MCM4: variants seen among roughly 807,000 people sequenced by gnomAD.
MCM4 encodes the protein DNA replication licensing factor MCM4.
MCM4 carries 60 observed loss-of-function variants against 88.7 expected under a neutral mutation model. The ratio of observed to expected loss-of-function variants is 0.68; its 90% CI spans 0.55 to 0.84. The LOEUF (loss-of-function observed/expected upper bound fraction) is 0.84, where lower values mean the gene tolerates loss of function less well. Ranked by LOEUF, MCM4 falls within the 40% of genes least tolerant of loss-of-function variation. The pLI, the probability that MCM4 is intolerant of heterozygous loss-of-function variation, is 0.00. For synonymous variants in MCM4, 465 were observed against 410.5 expected, an observed-to-expected ratio of 1.13 and a Z score of -1.61; for missense variants, 1,149 against 1,105.5, an observed-to-expected ratio of 1.04 and a Z score of -0.56.
rs1014270370 is a variant in MCM4, at chr8:47,966,055, C to T, written c.833-132C>T. Reference sequence around the variant, plus strand: ...CTTGAGAGTCTCCTGAAGACATAGCCTGCAGATGACTGGACACAGAAAGGT... The same window carrying T: ...CTTGAGAGTCTCCTGAAGACATAGCTTGCAGATGACTGGACACAGAAAGGT... On this transcript the variant is annotated intron_variant, in intron 8 of 16. Transcript: ENST00000649973. The T allele has an allele frequency of 7.3e-6, 5 of 683,820 alleles. No homozygotes were observed. In the African/African-American group the frequency reaches 8.8e-5, roughly 12 times the overall value. The allele number at this position is 683,820 out of a possible 1,614,324, so 42.4% of individuals were successfully genotyped here.
At chr8:47,976,056 G>A (rs1358791977) in intron 16 of MCM4, among the ~76,000 whole-genome samples, 3 of 152,076 alleles carry the variant, frequency 2.0e-5, no homozygotes, top group African/African-American at 4.8e-5. Context: ...CATTTGGGAC[G>A]CTGAGGTGGG....
chr8:47,961,239 T>G lies in MCM4; in HGVS notation c.70+25T>G, dbSNP rs1247905103. 2.1e-5 allele frequency: 31 copies of G among 1,482,442 alleles called. No homozygotes were observed. The East Asian group carries it at 8.1e-4, about 39-fold the overall frequency. 91.8% of individuals were successfully genotyped at this position (1,482,442 alleles called of 1,614,324 possible). A position where few individuals can be genotyped will look rare whatever the true frequency, so the allele number is the denominator to read the frequency against. The stretch of plus-strand genomic sequence containing the variant: ...CGTGAGTCCCCCGAGCCGGGCCCAC[T>G]ACAGCCCCCGGCGCCGCCCCGTCTG... On this transcript the variant is annotated intron_variant, in intron 2 of 16. Coordinates refer to ENST00000649973, the MANE Select transcript of MCM4 (RefSeq NM_182746.3).
Position 47,967,395 on chromosome 8 carries a change from C to T in MCM4, c.1084C>T (p.Pro362Ser), listed in dbSNP as rs375477637. The T allele has an allele frequency of 7.3e-5, 118 of 1,614,080 alleles. No homozygotes were observed. The highest frequency in any genetic ancestry group is 9.2e-5 in the Non-Finnish European group (109 of 1,180,026). The part of the protein sequence containing the change: ...IKLQESPEDM[P>S]AGQTPHTVIL... ...GCTTCAGGAGTCTCCGGAAGACATGCCTGCAGGGCAGACACCACACACAGT... is the reference window on the plus strand; with the variant it reads ...GCTTCAGGAGTCTCCGGAAGACATGTCTGCAGGGCAGACACCACACACAGT... The change falls in exon 10 of 17, where the codon CCT (proline) becomes TCT (serine). Residue 362 changes from proline (P) to serine (S), a missense_variant. Physicochemically the swap from Pro to Ser is moderately conservative, Grantham distance 74 (BLOSUM62 -1). Coordinates refer to ENST00000649973, the MANE Select transcript of MCM4 (RefSeq NM_182746.3).
chr8:47,976,919 G>A lies in MCM4; in HGVS notation c.*141G>A, dbSNP rs1589835802. 1 of 566,364 alleles carries A rather than the reference G, an allele frequency of 1.8e-6. No homozygotes were observed. Among genetic ancestry groups the A allele is most frequent in the Non-Finnish European group, 3.2e-6 (1 of 314,110 alleles). The allele number at this position is 566,364 out of a possible 1,614,324, so 35.1% of individuals were successfully genotyped here. A position where few individuals can be genotyped will look rare whatever the true frequency, so the allele number is the denominator to read the frequency against. On this transcript the variant is annotated 3_prime_UTR_variant, in exon 17 of 17. Transcript: ENST00000649973. ...GCTGCATAAAAATTTTCTAACTTGG[G>A]TTCAATATTTGTAGTGAAGTATCTG... is the stretch of plus-strand genomic sequence containing the variant.
In MCM4 at chr8:47,960,965, G is replaced by C; in HGVS notation, c.-64G>C. On this transcript the variant is annotated 5_prime_UTR_variant, in exon 1 of 17. Coordinates refer to ENST00000649973, the MANE Select transcript of MCM4 (RefSeq NM_182746.3). ...CGCGGTTTGGGAGCGCTACTCGCCA[G>C]GTGGACTCGGAGTCCGCGAGCGTCG... The C allele has an allele frequency of 3.4e-6, 2 of 596,668 alleles. No homozygotes were observed. Among genetic ancestry groups the C allele is most frequent in the Non-Finnish European group, 5.4e-6 (2 of 373,040 alleles). The allele number at this position is 596,668 out of a possible 1,614,324, so 37.0% of individuals were successfully genotyped here.
At chr8:47,961,783 A>G (rs1040872639) in intron 3 of MCM4, 103 bp downstream of exon 3, 30 of 1,385,182 alleles carry the variant, frequency 2.2e-5, no homozygotes, top group Non-Finnish European at 3.0e-5. Flanking sequence ...CGCCTAAAGC[A>G]TCCCCTCTGC....
Position 47,961,608 on chromosome 8 carries a change from C to G in MCM4, c.163C>G (p.Pro55Ala). 6.2e-7 allele frequency: 1 copy of G among 1,614,188 alleles called. No homozygotes were observed. The highest frequency in any genetic ancestry group is 1.1e-5 in the South Asian group (1 of 91,086). The stretch of plus-strand genomic sequence containing the variant: ...GGAGTTGCAGCCGATGCCAACCTCG[C>G]CTGGAGTGGACCTGCAGAGCCCTGC... ...TGELQPMPTSPGVDLQSPAAQ... is the reference protein window; with the variant it reads ...TGELQPMPTSAGVDLQSPAAQ... Residue 55 changes from proline to alanine, a missense_variant, in exon 3 of 17, where the codon CCT (proline) becomes GCT (alanine). Pro to Ala is a conservative substitution (Grantham distance 27, BLOSUM62 -1). Transcript: ENST00000649973.
At position 47,962,826 on chromosome 8, in the gene MCM4, T is replaced by C. The variant is rs757229938; in HGVS notation, c.564T>C (p.Ile188=). The C allele has an allele frequency of 1.2e-6, 2 of 1,609,316 alleles. No individual in the cohort carries two copies. Among genetic ancestry groups the C allele is most frequent in the African/African-American group, 1.3e-5 (1 of 74,736 alleles). Residue 188 remains isoleucine (I), a synonymous_variant, in exon 6 of 17, where the codon ATT becomes ATC. Transcript: ENST00000649973. ...AKEEENVGID[I]TEPLYMQRLG... ...AAGAAGAAAATGTTGGCATAGATAT[T>C]ACTGAACCTCTATACATGCAACGAC...
intron 14 of MCM4, 153 bp from the exon 15 acceptor site, chr8:47,974,580 TG>T: frequency 1.5e-6 from 1 of 664,126 alleles, no homozygotes. Flanking sequence ...GTGGTCTGTC[TG>T]TGTAGTCTCT....
At chr8:47,961,480 G>A (rs766703996) in intron 2 of MCM4, 36 bp from the exon 3 acceptor site, 1 of 1,612,986 alleles carries the variant, frequency 6.2e-7, no homozygotes, top group Non-Finnish European at 8.5e-7. Flanking sequence ...GGCCCTGAAA[G>A]TTAATGGCTG....
At chr8:47,970,156 A>C (rs1474257978) in intron 11 of MCM4, 99 bp downstream of exon 11, 1 of 1,395,662 alleles carries the variant, frequency 7.2e-7, no homozygotes, top group African/African-American at 1.4e-5. Context: ...GCCATAAAGG[A>C]CAGAGTTGTG....
Position 47,964,613 on chromosome 8 carries a change from T to A in MCM4, c.733T>A (p.Phe245Ile). Residue 245 changes from phenylalanine (F) to isoleucine (I), a missense_variant, in exon 8 of 17, where the codon TTC (phenylalanine) becomes ATC (isoleucine). This residue lies in a region of MCM4 where 906 missense variants were observed against 843.0 expected (regional missense o/e 1.07). Coordinates refer to ENST00000649973, the MANE Select transcript of MCM4 (RefSeq NM_182746.3). ...PTFDMAVNEI[F>I]FDRYPDSILE... ...TTTTGACATGGCTGTCAATGAAATC[T>A]TCTTTGACCGTTACCCTGACTCAAT... 2 of 1,601,612 alleles carry A rather than the reference T, an allele frequency of 1.2e-6. No individual in the cohort carries two copies. Among genetic ancestry groups the A allele is most frequent in the South Asian group, 1.1e-5 (1 of 87,850 alleles).
intron 16 of MCM4, among the ~76,000 whole-genome samples, chr8:47,976,446 A>T (rs758579326): frequency 1.5e-4 from 23 of 152,140 alleles, no homozygotes; most frequent in Non-Finnish European, 3.1e-4. Context: ...TCCACTTTCC[A>T]TCGCTGTGTT....
At chr8:47,967,785 T>C (rs909806716) in intron 10 of MCM4, among the ~76,000 whole-genome samples, 4 of 152,202 alleles carry the variant, frequency 2.6e-5, no homozygotes, top group Non-Finnish European at 5.9e-5. Flanking sequence ...AAGTCAGTAC[T>C]GTTGGCATCA....
At chr8:47,971,967 C>T (rs1272870618) in intron 13 of MCM4, among the ~76,000 whole-genome samples, 1 of 151,712 alleles carries the variant, frequency 6.6e-6, no homozygotes, top group African/African-American at 2.4e-5. Flanking sequence ...TACAGTGACT[C>T]ACACCTGTAA....
Position 47,971,430 on chromosome 8 carries a change from C to T in MCM4, c.1890C>T (p.Thr630=). 1.9e-6 allele frequency: 3 copies of T among 1,614,100 alleles called. No individual in the cohort carries two copies. The highest frequency in any genetic ancestry group is 2.5e-6 in the Non-Finnish European group (3 of 1,179,966). The change falls in exon 13 of 17, where the codon ACC becomes ACT. Residue 630 remains threonine, a synonymous_variant. Transcript: ENST00000649973. Reference sequence around the variant, plus strand: ...CTCAGTGGAATCCTAAAAAAACAACCATTGAAAACATCCAGCTGCCTCATA... The same window carrying T: ...CTCAGTGGAATCCTAAAAAAACAACTATTGAAAACATCCAGCTGCCTCATA... ...IESQWNPKKT[T]IENIQLPHTL...
Position 47,970,757 on chromosome 8 carries a change from G to A in MCM4, c.1681G>A (p.Gly561Ser). 6.2e-7 allele frequency: 1 copy of A among 1,614,224 alleles called. No individual in the cohort carries two copies. The change falls in exon 12 of 17, where the codon GGT becomes AGT. Residue 561 changes from glycine (G) to serine (S), a missense_variant. By Grantham distance (56) the Gly-to-Ser change is moderately conservative. Transcript: ENST00000649973. Reference protein sequence around the residue: ...PETRQLVLQTGALVLSDNGIC... With the variant: ...PETRQLVLQTSALVLSDNGIC... The stretch of plus-strand genomic sequence containing the variant: ...GACAAGGCAGCTGGTCCTGCAGACA[G>A]GTGCTCTTGTCCTGAGTGACAACGG...
rs1589834436 is a variant in MCM4, at chr8:47,974,441, GC to G, written c.2137-290del. Reference sequence around the variant, plus strand: ...ACATTCCTTCCCTCTGCCACGCCATGCCCGTCTCTGTTCTTCAGAGCTACGT... The same window carrying G: ...ACATTCCTTCCCTCTGCCACGCCATGCCGTCTCTGTTCTTCAGAGCTACGT... On this transcript the variant is annotated intron_variant, in intron 14 of 16. Coordinates refer to ENST00000649973, the MANE Select transcript of MCM4 (RefSeq NM_182746.3). 8 of 340,996 alleles carry G rather than the reference GC, an allele frequency of 2.3e-5. No homozygotes were observed. The East Asian group carries it at 4.7e-4, about 20-fold the overall frequency. The allele number at this position is 340,996 out of a possible 1,614,324, so 21.1% of individuals were successfully genotyped here. A position where few individuals can be genotyped will look rare whatever the true frequency, so the allele number is the denominator to read the frequency against.
At chr8:47,975,285 C>T (rs530334709) in intron 15 of MCM4, 4 of 215,196 alleles carry the variant, frequency 1.9e-5, no homozygotes, top group South Asian at 1.4e-4. Flanking sequence ...CCCAGTAACT[C>T]GTCATTTAAC....
Sources: gnomAD v4.1 joint callset for allele counts (sites outside exome capture counted in the v4.1 genomes callset) on GRCh38, gnomAD v4.1.1 for gene constraint, gnomAD v4.1.1 regional missense constraint, MANE v1.5 for transcripts, NCBI Gene and HGNC (gene_info 2026-07-23, HGNC 2026-07-21) for gene names.